SNX30: variants seen among roughly 807,000 people sequenced by gnomAD.
The protein encoded by SNX30 is sorting nexin-30.
SNX30 carries 24 observed loss-of-function variants against 46.4 expected under a neutral mutation model. The ratio of observed to expected loss-of-function variants is 0.52; its 90% CI spans 0.37 to 0.73. The LOEUF (loss-of-function observed/expected upper bound fraction) is 0.73, where lower values mean the gene tolerates loss of function less well. SNX30 is among the 30% of genes least tolerant of loss of function. The probability of loss-of-function intolerance (pLI) is 0.00; values close to 1 mark genes in which losing one functional copy is unlikely to be tolerated. For synonymous variants in SNX30, 189 were observed against 211.5 expected, an observed-to-expected ratio of 0.89 and a Z score of 0.92; for missense variants, 533 against 555.7, an observed-to-expected ratio of 0.96 and a Z score of 0.41.
At chr9:112,837,011 A>G (rs1261921922) in intron 5 of SNX30, among the ~76,000 whole-genome samples, 5 of 152,052 alleles carry the variant, frequency 3.3e-5, no homozygotes, top group Non-Finnish European at 5.9e-5. Flanking sequence ...GGGATCTTTT[A>G]TCTCCTTACA....
chr9:112,810,042 A>T (rs751438865), intron 2 of SNX30, among the ~76,000 whole-genome samples: 1 of 151,986 alleles, frequency 6.6e-6, no homozygotes, highest in African/African-American at 2.4e-5. Flanking sequence ...TACTTTTTCC[A>T]TTGTTTGTGG....
chr9:112,865,661 A>ATATATATG lies in SNX30; in HGVS notation c.1254+1263_1254+1264insATATATGT. The stretch of plus-strand genomic sequence containing the variant: ...TATATATATATATATATATATATAT[A>ATATATATG]TGTATGTATGTATGCACACACACAC... On this transcript the variant is annotated intron_variant, in intron 8 of 8. Transcript: ENST00000374232. 6.5e-3 allele frequency among the ~76,000 whole-genome samples: 685 copies of ATATATATG among 105,542 alleles called. 38 individuals carry two copies. Among genetic ancestry groups the ATATATATG allele is most frequent in the Non-Finnish European group, 9.2e-3 (483 of 52,582 alleles). The allele number at this position is 105,542 out of a possible 152,430, so 69.2% of individuals were successfully genotyped here.
intron 1 of SNX30, among the ~76,000 whole-genome samples, chr9:112,756,015 T>A (rs1839343531): frequency 6.6e-6 from 1 of 152,154 alleles, no homozygotes; most frequent in South Asian, 2.1e-4. Context: ...AGGAAAGGAA[T>A]TTTTTTAAAA....
At chr9:112,817,400 G>GTTTTTTTTTTTTTTT (rs1256963697) in intron 2 of SNX30, among the ~76,000 whole-genome samples, 1 of 34,388 alleles carries the variant, frequency 2.9e-5, no homozygotes, top group Non-Finnish European at 4.5e-5. Flanking sequence ...AAAAAAACTG[G>GTTTTTTTTTTTTTTT]CTTTTTTTTT....
intron 2 of SNX30, among the ~76,000 whole-genome samples, chr9:112,817,400 G>GGTTTTTTTTTT (rs1256963697): frequency 5.8e-5 from 2 of 34,380 alleles, no homozygotes; most frequent in Non-Finnish European, 9.0e-5. Flanking sequence ...AAAAAAACTG[G>GGTTTTTTTTTT]CTTTTTTTTT....
chr9:112,868,765 G>T lies in SNX30; in HGVS notation c.1255-19G>T. On this transcript the variant is annotated intron_variant, in intron 8 of 8. Coordinates refer to ENST00000374232, the MANE Select transcript of SNX30 (RefSeq NM_001012994.2). ...CGGAAACTCAAAGCTGATACTGTGT[G>T]TGTATGTTGTCGTTCCAGTGCCTCA... is the stretch of plus-strand genomic sequence containing the variant. 1 of 1,613,938 alleles carries T rather than the reference G, an allele frequency of 6.2e-7. No homozygotes were observed.
chr9:112,836,288 C>T lies in SNX30; in HGVS notation c.693C>T (p.Gly231=), dbSNP rs774483818. 42 of 1,613,152 alleles carry T rather than the reference C, an allele frequency of 2.6e-5. No homozygotes were observed. The East Asian group carries it at 4.9e-4, about 19-fold the overall frequency. ...RMGESVKHVT[G]GYKLRTRPLE... is the part of the protein sequence containing the mutation. ...GCGAGTCAGTCAAGCACGTCACTGG[C>T]GGCTACAAGCTGAGGACTCGGCCGC... Residue 231 remains glycine, a synonymous_variant, in exon 5 of 9, where the codon GGC becomes GGT. Coordinates refer to ENST00000374232, the MANE Select transcript of SNX30 (RefSeq NM_001012994.2).
chr9:112,818,937 G>T (rs560919047), intron 3 of SNX30, among the ~76,000 whole-genome samples: 140 of 152,232 alleles, frequency 9.2e-4, no homozygotes, highest in African/African-American at 2.9e-3. Context: ...CTGAAGTTTT[G>T]CTTTTTCTGT....
chr9:112,828,701 G>A (rs1840614433), intron 3 of SNX30, among the ~76,000 whole-genome samples: 2 of 152,162 alleles, frequency 1.3e-5, no homozygotes, highest in African/African-American at 4.8e-5. Flanking sequence ...TTGAGTGGTA[G>A]ATTAATAAGT....
chr9:112,751,298 C>A, intron 1 of SNX30, 141 bp downstream of exon 1: 1 of 1,120,626 alleles, frequency 8.9e-7, no homozygotes, highest in Non-Finnish European at 1.2e-6. Flanking sequence ...GGCCCCGGAG[C>A]CCTCGGCGAA....
chr9:112,860,102 T>C (rs1054703389), intron 7 of SNX30, among the ~76,000 whole-genome samples: 2 of 152,060 alleles, frequency 1.3e-5, no homozygotes, highest in South Asian at 4.1e-4. Context: ...CACACCACCA[T>C]GCCCAGCTAA....
intron 3 of SNX30, among the ~76,000 whole-genome samples, chr9:112,823,620 A>T (rs1840538607): frequency 6.6e-6 from 1 of 152,228 alleles, no homozygotes. Flanking sequence ...AGTTTTAAGG[A>T]AGAAAGCTTT....
intron 1 of SNX30, among the ~76,000 whole-genome samples, chr9:112,765,874 G>A (rs1168221840): frequency 6.6e-6 from 1 of 152,094 alleles, no homozygotes; most frequent in Non-Finnish European, 1.5e-5. Context: ...CGCGATCTCA[G>A]CTCACTGCAA....
At chr9:112,791,222 T>A (rs4979150) in intron 1 of SNX30, among the ~76,000 whole-genome samples, 132,556 of 151,884 alleles carry the variant, frequency 0.87, 58,042 homozygotes, top group Middle Eastern at 0.91. Context: ...CCCCTACCTG[T>A]AGCCCCTGGC....
chr9:112,804,935 G>T lies in SNX30; in HGVS notation c.316G>T (p.Glu106Ter). The change falls in exon 2 of 9, where the codon GAG (glutamate) becomes TAG (stop). Residue 106 changes from glutamate (E) to a stop codon, truncating the protein, a stop_gained. Transcript: ENST00000374232. LOFTEE classifies it high-confidence loss of function. ...TCCCAAGAAGCATGTGTGTACAATG[G>T]AGACTTACATCACCTATAGGATCAC... ...DDPKKHVCTM[E>*]TYITYRITTK... 6.2e-7 allele frequency: 1 copy of T among 1,611,800 alleles called. No homozygotes were observed. Among genetic ancestry groups the T allele is most frequent in the Non-Finnish European group, 8.5e-7 (1 of 1,178,614 alleles).
At chr9:112,787,090 G>A (rs1045276389) in intron 1 of SNX30, among the ~76,000 whole-genome samples, 1 of 152,174 alleles carries the variant, frequency 6.6e-6, no homozygotes, top group East Asian at 1.9e-4. Context: ...CAGCCTGGAA[G>A]GCCATCTGTA....
At chr9:112,756,435 CTTTTTTTTTTTTTTTTT>C (rs61338659) in intron 1 of SNX30, among the ~76,000 whole-genome samples, 1 of 67,404 alleles carries the variant, frequency 1.5e-5, no homozygotes, top group Non-Finnish European at 2.5e-5. Flanking sequence ...TGTAATCATC[CTTTTTTTTTTTTTTTTT>C]TTTTTTTTTT....
intron 1 of SNX30, among the ~76,000 whole-genome samples, chr9:112,782,059 G>GT (rs1305833047): frequency 6.6e-6 from 1 of 151,866 alleles, no homozygotes; most frequent in African/African-American, 2.4e-5. Context: ...GTTAGTAAAG[G>GT]TTTTTTATTT....
At chr9:112,785,354 T>C (rs552479432) in intron 1 of SNX30, among the ~76,000 whole-genome samples, 4 of 150,498 alleles carry the variant, frequency 2.7e-5, no homozygotes, top group African/African-American at 9.8e-5. Flanking sequence ...TAGCTGGGAC[T>C]ACAGGTGTGT....
Sources: gnomAD v4.1 joint callset for allele counts (sites outside exome capture counted in the v4.1 genomes callset) on GRCh38, gnomAD v4.1.1 for gene constraint, MANE v1.5 for transcripts, NCBI Gene and HGNC (gene_info 2026-07-23, HGNC 2026-07-21) for gene names.